Variants in ROBO1 observed in about 807,000 individuals in gnomAD.
ROBO1 encodes the protein roundabout guidance receptor 1.
Under a neutral mutation model 195.9 loss-of-function variants are expected in ROBO1, and 149 were observed. That is an observed-to-expected ratio of 0.76 (90% CI 0.67 to 0.87). The LOEUF is 0.87. Among genes scored for constraint, ROBO1 ranks in the 40% least tolerant of loss-of-function variants. The pLI, the probability that ROBO1 is intolerant of heterozygous loss-of-function variation, is 0.00. For missense variants in ROBO1, 1,933 were observed against 2,068.3 expected, an observed-to-expected ratio of 0.93 and a Z score of 1.27; for synonymous variants, 816 against 733.2, an observed-to-expected ratio of 1.11 and a Z score of -1.82.
intron 1 of ROBO1, among the ~76,000 whole-genome samples, chr3:79,623,496 C>A (rs187618551): frequency 1.3e-5 from 2 of 152,226 alleles, no homozygotes; most frequent in South Asian, 2.1e-4. Flanking sequence ...TAAAGAGGAA[C>A]ATAAACAACC....
In ROBO1 at chr3:79,078,851, C is replaced by T. The variant is rs555740872; in HGVS notation, c.172+46605G>A. 1.6e-4 allele frequency among the ~76,000 whole-genome samples: 24 copies of T among 151,862 alleles called. 1 individual carries two copies. The South Asian group carries it at 5.0e-3, about 31-fold the overall frequency. ...TAGATTCAAGATCAATCATTTAAGA[C>T]ATAACTAAACCTATAATCCAGGTGT... On this transcript the variant is annotated intron_variant, in intron 3 of 30. Transcript: ENST00000464233.
intron 2 of ROBO1, among the ~76,000 whole-genome samples, chr3:79,508,600 T>G (rs1470110911): frequency 5.9e-5 from 9 of 152,198 alleles, no homozygotes; most frequent in Non-Finnish European, 1.0e-4. Flanking sequence ...AAAAACCTTA[T>G]GGCTTTTCAT....
chr3:79,238,320 C>T (rs1295329450), intron 2 of ROBO1, among the ~76,000 whole-genome samples: 1 of 152,132 alleles, frequency 6.6e-6, no homozygotes, highest in Admixed American at 6.6e-5. Context: ...CCCATCCTGC[C>T]TCCAAAGTCC....
intron 3 of ROBO1, among the ~76,000 whole-genome samples, chr3:78,969,622 C>G (rs543101001): frequency 1.8e-4 from 27 of 152,202 alleles, no homozygotes; most frequent in African/African-American, 6.5e-4. Flanking sequence ...CATCTGAGTA[C>G]GCCTACTCAA....
chr3:78,710,687 A>G (rs77032145), intron 8 of ROBO1, among the ~76,000 whole-genome samples: 1 of 152,200 alleles, frequency 6.6e-6, no homozygotes, highest in African/African-American at 2.4e-5. Flanking sequence ...AGTAAATGAC[A>G]GAATCATGAT....
intron 2 of ROBO1, among the ~76,000 whole-genome samples, chr3:79,530,888 C>G (rs912245422): frequency 3.3e-5 from 5 of 151,832 alleles, no homozygotes; most frequent in Non-Finnish European, 2.9e-5. Context: ...CATGATCTGT[C>G]CCCAGTTATT....
intron 28 of ROBO1, among the ~76,000 whole-genome samples, chr3:78,607,613 G>C (rs1192757917): frequency 4.6e-5 from 7 of 152,120 alleles, no homozygotes; most frequent in Non-Finnish European, 1.0e-4. Flanking sequence ...CTAACGCTGG[G>C]TATTTGTACT....
At chr3:78,923,046 T>G (rs2039029140) in intron 4 of ROBO1, among the ~76,000 whole-genome samples, 1 of 152,162 alleles carries the variant, frequency 6.6e-6, no homozygotes, top group Non-Finnish European at 1.5e-5. Context: ...GCAAATTATT[T>G]TCCAATAGTT....
At chr3:79,756,705 T>C (rs992334347) in intron 1 of ROBO1, among the ~76,000 whole-genome samples, 1 of 152,196 alleles carries the variant, frequency 6.6e-6, no homozygotes, top group Non-Finnish European at 1.5e-5. Context: ...AACTCAGTAG[T>C]ATTAAGTGCA....
At chr3:78,848,456 A>T (rs1237096806) in intron 4 of ROBO1, among the ~76,000 whole-genome samples, 2 of 152,178 alleles carry the variant, frequency 1.3e-5, no homozygotes, top group African/African-American at 4.8e-5. Flanking sequence ...TAGAAAAATT[A>T]AAGCACAGTA....
At chr3:78,885,909 T>TATA (rs2036531933) in intron 4 of ROBO1, among the ~76,000 whole-genome samples, 3 of 117,746 alleles carry the variant, frequency 2.5e-5, no homozygotes, top group South Asian at 5.7e-4. Context: ...TAGCAAAATT[T>TATA]TATATATATA....
At chr3:78,833,836 A>G (rs1379531020) in intron 4 of ROBO1, among the ~76,000 whole-genome samples, 1 of 152,148 alleles carries the variant, frequency 6.6e-6, no homozygotes, top group Non-Finnish European at 1.5e-5. Context: ...TCAGCATGAT[A>G]TTTGGCATTC....
intron 1 of ROBO1, among the ~76,000 whole-genome samples, chr3:79,658,474 A>G (rs1946235460): frequency 6.6e-6 from 1 of 152,124 alleles, no homozygotes; most frequent in South Asian, 2.1e-4. Context: ...TTGCTTTCCA[A>G]CAAACCATAC....
chr3:78,606,955 C>T lies in ROBO1; in HGVS notation c.4522G>A (p.Val1508Met), dbSNP rs1703496880. Residue 1508 changes from valine (V) to methionine (M), a missense_variant, in exon 29 of 31, where the codon GTG becomes ATG. Coordinates refer to ENST00000464233, the MANE Select transcript of ROBO1 (RefSeq NM_002941.4). ...GCATCCATAGAAGGGAGTTTTGGCACCACTACAGGTCGTACTTCCAGCTGT... is the reference window on the plus strand; with the variant it reads ...GCATCCATAGAAGGGAGTTTTGGCATCACTACAGGTCGTACTTCCAGCTGT... ...KTQLEVRPVVVPKLPSMDART... is the reference protein window; with the variant it reads ...KTQLEVRPVVMPKLPSMDART... The T allele has an allele frequency of 1.9e-6, 3 of 1,613,822 alleles. No individual in the cohort carries two copies. Among genetic ancestry groups the T allele is most frequent in the Admixed American group, 1.7e-5 (1 of 59,988 alleles).
intron 10 of ROBO1, among the ~76,000 whole-genome samples, chr3:78,671,954 C>G (rs1708086834): frequency 6.6e-6 from 1 of 152,042 alleles, no homozygotes; most frequent in South Asian, 2.1e-4. Context: ...TTATTGATGC[C>G]ATTTTTGTGG....
At chr3:78,767,150 G>T (rs573403384) in intron 4 of ROBO1, among the ~76,000 whole-genome samples, 63 of 152,058 alleles carry the variant, frequency 4.1e-4, no homozygotes, top group African/African-American at 1.5e-3. Context: ...ATTAGGGAGG[G>T]TTCCTTCTTT....
chr3:79,124,019 G>C (rs551445622), intron 3 of ROBO1, among the ~76,000 whole-genome samples: 1 of 151,972 alleles, frequency 6.6e-6, no homozygotes, highest in African/African-American at 2.4e-5. Context: ...GTTTAGACTG[G>C]GTGAGTACAA....
intron 1 of ROBO1, among the ~76,000 whole-genome samples, chr3:79,596,348 G>A (rs979823430): frequency 1.1e-4 from 17 of 151,966 alleles, no homozygotes; most frequent in African/African-American, 4.1e-4. Context: ...AAAAATAAAG[G>A]GGATTAAGTT....
chr3:78,744,115 C>A (rs1454210870), intron 5 of ROBO1, among the ~76,000 whole-genome samples: 1 of 152,164 alleles, frequency 6.6e-6, no homozygotes, highest in African/African-American at 2.4e-5. Flanking sequence ...CCTGATACTT[C>A]CCATCCCAAA....
Sources: gnomAD v4.1 joint callset for allele counts (sites outside exome capture counted in the v4.1 genomes callset) on GRCh38, gnomAD v4.1.1 for gene constraint, MANE v1.5 for transcripts, NCBI Gene and HGNC (gene_info 2026-07-23, HGNC 2026-07-21) for gene names.